Variants in YIPF7 observed in about 807,000 individuals in gnomAD.
The protein encoded by YIPF7 is protein YIPF7.
In YIPF7, 35 loss-of-function variants were observed where a neutral mutation model predicts 27.2. The observed-to-expected ratio is 1.29, with a 90% CI of 0.98 to 1.70. The LOEUF is 1.70. Among genes scored for constraint, YIPF7 ranks in the 40% most tolerant of loss-of-function variants. The pLI is 0.00. For synonymous variants in YIPF7, 137 were observed against 110.4 expected (o/e 1.24, Z -1.51); for missense variants, 358 against 303.7 (o/e 1.18, Z -1.33).
upstream of YIPF7, among the ~76,000 whole-genome samples, chr4:44,652,655 GT>G (rs1713770603): frequency 6.6e-6 from 1 of 152,122 alleles, no homozygotes; most frequent in African/African-American, 2.4e-5. Flanking sequence ...AGGACATACT[GT>G]TGAGTTCCAC....
At chr4:44,649,612 C>T (rs1163436783) in intron 2 of YIPF7, among the ~76,000 whole-genome samples, 1 of 136,522 alleles carries the variant, frequency 7.3e-6, no homozygotes, top group Non-Finnish European at 1.5e-5. Context: ...CTCTACTAAA[C>T]ATTAAAAAAA....
At chr4:44,653,564 G>A (rs1259192996), upstream of YIPF7, among the ~76,000 whole-genome samples, 1 of 151,986 alleles carries the variant, frequency 6.6e-6, no homozygotes, top group Admixed American at 6.6e-5. Context: ...ACTGAGGAAG[G>A]GCCAACCAAT....
intron 2 of YIPF7, among the ~76,000 whole-genome samples, chr4:44,641,435 T>G (rs1018397860): frequency 6.6e-6 from 1 of 152,190 alleles, no homozygotes; most frequent in Non-Finnish European, 1.5e-5. Context: ...CTTTTTATTT[T>G]TATTCATTTT....
At chr4:44,638,676 T>G (rs943013436) in intron 2 of YIPF7, among the ~76,000 whole-genome samples, 9 of 152,210 alleles carry the variant, frequency 5.9e-5, no homozygotes, top group African/African-American at 2.2e-4. Flanking sequence ...TTATTTCTTT[T>G]GCTGTGCAGA....
chr4:44,631,442 A>T (rs1712894786), intron 3 of YIPF7, among the ~76,000 whole-genome samples: 1 of 152,172 alleles, frequency 6.6e-6, no homozygotes, highest in Non-Finnish European at 1.5e-5. Flanking sequence ...CTGTACACAG[A>T]CTACAACATG....
At chr4:44,639,273 T>G (rs1423874160) in intron 2 of YIPF7, among the ~76,000 whole-genome samples, 4 of 152,174 alleles carry the variant, frequency 2.6e-5, no homozygotes, top group African/African-American at 9.6e-5. Flanking sequence ...ATCTATAGAT[T>G]GCTTTGGGCC....
chr4:44,636,675 G>C (rs1249747083), intron 2 of YIPF7, among the ~76,000 whole-genome samples: 1 of 152,038 alleles, frequency 6.6e-6, no homozygotes, highest in African/African-American at 2.4e-5. Flanking sequence ...TTCAGTTGTA[G>C]CCATTCCAAG....
chr4:44,626,565 T>G (rs908761043), intron 4 of YIPF7, among the ~76,000 whole-genome samples: 75 of 152,296 alleles, frequency 4.9e-4, no homozygotes, highest in African/African-American at 1.8e-3. Flanking sequence ...ATGGCAGTTA[T>G]GTGCTTCTCT....
Position 44,635,985 on chromosome 4 carries a change from AG to A in YIPF7, c.216del (p.Ser73GlnfsTer20). 1.2e-6 allele frequency: 2 copies of A among 1,613,940 alleles called. No individual in the cohort carries two copies. The highest frequency in any genetic ancestry group is 1.7e-6 in the Non-Finnish European group (2 of 1,179,842). ...YAGQFFQPAS[N>X]SDYYSQSPYI... ...TAAGGAGATTGTGAATAATAATCTGAGTTGGATGCTGGCTGAAAAAATTGTC... is the reference window on the plus strand; with the variant it reads ...TAAGGAGATTGTGAATAATAATCTGATTGGATGCTGGCTGAAAAAATTGTC... On this transcript the variant is annotated frameshift_variant, in exon 3 of 6. Coordinates refer to ENST00000415895, the MANE Select transcript of YIPF7 (RefSeq NM_182592.3). LOFTEE classifies it high-confidence loss of function.
At chr4:44,661,151 A>G (rs1195335748) in intron 1 of YIPF7, among the ~76,000 whole-genome samples, 1 of 152,198 alleles carries the variant, frequency 6.6e-6, no homozygotes, top group Non-Finnish European at 1.5e-5. Context: ...AAAATTCTCC[A>G]AAGTAGAAAA....
chr4:44,644,914 A>G (rs997829220), intron 2 of YIPF7, among the ~76,000 whole-genome samples: 2 of 152,128 alleles, frequency 1.3e-5, no homozygotes, highest in African/African-American at 4.8e-5. Context: ...TAAAGTTATC[A>G]TGATATCTGG....
chr4:44,643,659 G>A (rs1439768719), intron 2 of YIPF7, among the ~76,000 whole-genome samples: 1 of 152,164 alleles, frequency 6.6e-6, no homozygotes, highest in Non-Finnish European at 1.5e-5. Context: ...CATGGGCCAG[G>A]CCCAGGACCC....
chr4:44,637,925 G>T (rs190581514), intron 2 of YIPF7, among the ~76,000 whole-genome samples: 2 of 152,008 alleles, frequency 1.3e-5, no homozygotes, highest in Admixed American at 6.6e-5. Flanking sequence ...CCATTAACTC[G>T]TTCCTTTTTA....
chr4:44,649,249 T>C (rs1035429061), intron 2 of YIPF7, among the ~76,000 whole-genome samples: 4 of 152,190 alleles, frequency 2.6e-5, no homozygotes, highest in African/African-American at 9.6e-5. Flanking sequence ...CCAGTGCCTG[T>C]ATCCCAGCTC....
At chr4:44,634,882 T>C (rs1380298873) in intron 3 of YIPF7, among the ~76,000 whole-genome samples, 1 of 152,208 alleles carries the variant, frequency 6.6e-6, no homozygotes, top group African/African-American at 2.4e-5. Flanking sequence ...AGGTGTTTAT[T>C]ACTTGTAGAG....
At chr4:44,656,638 C>G (rs1178338626) in intron 2 of YIPF7, among the ~76,000 whole-genome samples, 1 of 151,992 alleles carries the variant, frequency 6.6e-6, no homozygotes, top group Non-Finnish European at 1.5e-5. Context: ...GGATCAACAG[C>G]AAGCATCCAA....
chr4:44,629,254 T>C, intron 4 of YIPF7, 149 bp downstream of exon 4: 9 of 1,011,118 alleles, frequency 8.9e-6, no homozygotes, highest in Non-Finnish European at 1.2e-5. Flanking sequence ...TGGTAGCATA[T>C]TTTTGTCACT....
At chr4:44,643,590 G>A (rs1450796382) in intron 2 of YIPF7, among the ~76,000 whole-genome samples, 1 of 152,132 alleles carries the variant, frequency 6.6e-6, no homozygotes, top group Non-Finnish European at 1.5e-5. Context: ...AGGACTCAAA[G>A]GCCTTTGTGT....
Position 44,622,587 on chromosome 4 carries a change from G to C in YIPF7, c.609-11C>G. 6.2e-7 allele frequency: 1 copy of C among 1,611,664 alleles called. No individual in the cohort carries two copies. The highest frequency in any genetic ancestry group is 2.2e-5 in the East Asian group (1 of 44,834). On this transcript the variant is annotated splice_polypyrimidine_tract_variant and intron_variant, in intron 5 of 5. Coordinates refer to ENST00000415895, the MANE Select transcript of YIPF7 (RefSeq NM_182592.3). ...ATTCCAAAGATGCCCCTGCAGCAAAGACAAAGAAATGATTGCCTGTGCCAG... is the reference window on the plus strand; with the variant it reads ...ATTCCAAAGATGCCCCTGCAGCAAACACAAAGAAATGATTGCCTGTGCCAG...
Sources: gnomAD v4.1 joint callset for allele counts (sites outside exome capture counted in the v4.1 genomes callset) on GRCh38, gnomAD v4.1.1 for gene constraint, MANE v1.5 for transcripts, NCBI Gene and HGNC (gene_info 2026-07-23, HGNC 2026-07-21) for gene names.